The following HERC5 variants were observed in gnomAD, a reference collection of about 807,000 sequenced individuals.
The protein encoded by HERC5 is E3 ISG15--protein ligase HERC5.
In HERC5, 99 loss-of-function variants were observed where a neutral mutation model predicts 119.6. The observed-to-expected ratio is 0.83, with a 90% CI of 0.70 to 0.98. The LOEUF (loss-of-function observed/expected upper bound fraction) is 0.98, where lower values mean the gene tolerates loss of function less well. Among genes scored for constraint, HERC5 ranks in the 50% least tolerant of loss-of-function variants. The pLI, the probability that HERC5 is intolerant of heterozygous loss-of-function variation, is 0.00. For missense variants in HERC5, 1,267 were observed against 1,241.3 expected, an observed-to-expected ratio of 1.02 and a Z score of -0.31; for synonymous variants, 478 against 445.9, an observed-to-expected ratio of 1.07 and a Z score of -0.91.
chr4:88,458,396 G>T (rs184644507), intron 1 of HERC5, among the ~76,000 whole-genome samples: 4 of 151,460 alleles, frequency 2.6e-5, no homozygotes, highest in Admixed American at 1.3e-4. Flanking sequence ...GTAATTTTAA[G>T]GTTTTTTTTT....
intron 9 of HERC5, among the ~76,000 whole-genome samples, chr4:88,470,110 C>T (rs927015822): frequency 1.5e-4 from 23 of 152,184 alleles, no homozygotes; most frequent in Non-Finnish European, 5.9e-5. Flanking sequence ...GTATGGCTTT[C>T]TAATTCTGGA....
At chr4:88,503,910 C>CA (rs919071420) in intron 20 of HERC5, among the ~76,000 whole-genome samples, 29 of 151,778 alleles carry the variant, frequency 1.9e-4, no homozygotes, top group Non-Finnish European at 5.9e-5. Context: ...ACTAAAAATA[C>CA]AAAAAAATTA....
intron 4 of HERC5, 36 bp downstream of exon 4, chr4:88,462,392 G>A (rs1740475075): frequency 5.8e-6 from 9 of 1,543,214 alleles, no homozygotes; most frequent in South Asian, 1.1e-5. Flanking sequence ...ATTACCAACA[G>A]ATATACTTGT....
At position 88,495,968 on chromosome 4, in the gene HERC5, G is replaced by A. The variant is rs1019911258; in HGVS notation, c.2444+1637G>A. Among the ~76,000 whole-genome samples the A allele has an allele frequency of 2.0e-5, 3 of 152,208 alleles. No homozygotes were observed. The East Asian group carries it at 5.8e-4, about 29-fold the overall frequency. ...TTAAAAATATTGAGGACTCCAAAGC[G>A]CTTTTAGTTAGGTTGGTTACATCTG... On this transcript the variant is annotated intron_variant, in intron 18 of 22. Coordinates refer to ENST00000264350, the MANE Select transcript of HERC5 (RefSeq NM_016323.4).
rs1199282484 is a variant in HERC5, at chr4:88,492,920, T to C, written c.2134-92T>C. On this transcript the variant is annotated intron_variant, in intron 16 of 22. Coordinates refer to ENST00000264350, the MANE Select transcript of HERC5 (RefSeq NM_016323.4). Reference sequence around the variant, plus strand: ...GCCTTCCAAATACTTGGGTCCACAATTAATGTTAGCTATTTACTATTATTA... The same window carrying C: ...GCCTTCCAAATACTTGGGTCCACAACTAATGTTAGCTATTTACTATTATTA... 17 of 1,269,512 alleles carry C rather than the reference T, an allele frequency of 1.3e-5. No individual in the cohort carries two copies. In the East Asian group the frequency reaches 3.3e-4, roughly 25 times the overall value. 78.6% of individuals were successfully genotyped at this position (1,269,512 alleles called of 1,614,324 possible).
chr4:88,485,966 G>A lies in HERC5; in HGVS notation c.1738-149G>A, dbSNP rs1284921996. Reference sequence around the variant, plus strand: ...TTCTTTATGTTCATGAAAATTTGGGGCTCTGGCAGTGGAGGAATTGGATAG... The same window carrying A: ...TTCTTTATGTTCATGAAAATTTGGGACTCTGGCAGTGGAGGAATTGGATAG... On this transcript the variant is annotated intron_variant, in intron 13 of 22. Transcript: ENST00000264350. 1.4e-5 allele frequency: 6 copies of A among 439,820 alleles called. No individual in the cohort carries two copies. The East Asian group carries it at 1.7e-4, about 12-fold the overall frequency. The allele number at this position is 439,820 out of a possible 1,614,324, so 27.2% of individuals were successfully genotyped here. A position where few individuals can be genotyped will look rare whatever the true frequency, so the allele number is the denominator to read the frequency against.
chr4:88,496,069 A>C (rs1371017870), intron 18 of HERC5, among the ~76,000 whole-genome samples: 1 of 152,232 alleles, frequency 6.6e-6, no homozygotes, highest in Non-Finnish European at 1.5e-5. Context: ...AGCATTCCAC[A>C]ATATCATATA....
chr4:88,487,122 C>G lies in HERC5; in HGVS notation c.1905C>G (p.Ile635Met). Residue 635 changes from isoleucine (I) to methionine (M), a missense_variant, in exon 15 of 23, where the codon ATC becomes ATG. Physicochemically the swap from Ile to Met is conservative, Grantham distance 10. Coordinates refer to ENST00000264350, the MANE Select transcript of HERC5 (RefSeq NM_016323.4). ...TCATATTCAGTCACTTTCCATTTAT[C>G]TTTAATAATCTGTCGAAAATTAAAC... ...CCVIFSHFPF[I>M]FNNLSKIKLL... 6.2e-7 allele frequency: 1 copy of G among 1,611,616 alleles called. No individual in the cohort carries two copies. The highest frequency in any genetic ancestry group is 2.2e-5 in the East Asian group (1 of 44,834).
chr4:88,486,562 G>A (rs997499543), intron 14 of HERC5, among the ~76,000 whole-genome samples: 2 of 152,200 alleles, frequency 1.3e-5, no homozygotes, highest in African/African-American at 4.8e-5. Flanking sequence ...GACCCTGTGG[G>A]TAGAGTGTCT....
intron 11 of HERC5, 22 bp downstream of exon 11, chr4:88,472,524 G>A: frequency 1.5e-6 from 2 of 1,324,274 alleles, no homozygotes; most frequent in Non-Finnish European, 2.1e-6. Flanking sequence ...TTGTTATGTG[G>A]AGAAAGAAAA....
rs746915886 is a variant in HERC5 at position 88,459,384 on chromosome 4, C to T, written c.303C>T (p.Ser101=). The change falls in exon 2 of 23, where the codon TCC becomes TCT. Residue 101 remains serine, a synonymous_variant. Coordinates refer to ENST00000264350, the MANE Select transcript of HERC5 (RefSeq NM_016323.4). The part of the protein sequence containing the change: ...IKLGKNMKIH[S]VDQGAEHMLI... The stretch of plus-strand genomic sequence containing the variant: ...TAGGAAAAAACATGAAGATACATTC[C>T]GTGGACCAAGGAGCAGAGCACATGC... The T allele has an allele frequency of 3.8e-6, 6 of 1,595,214 alleles. No individual in the cohort carries two copies. In the East Asian group the frequency reaches 6.8e-5, roughly 18 times the overall value.
At chr4:88,480,063 T>A (rs1391699226) in intron 13 of HERC5, among the ~76,000 whole-genome samples, 1 of 111,886 alleles carries the variant, frequency 8.9e-6, no homozygotes, top group Non-Finnish European at 1.7e-5. Context: ...CGAGACTCCG[T>A]CTCAAAAAAA....
chr4:88,503,763 G>T (rs1440671255), intron 20 of HERC5, among the ~76,000 whole-genome samples: 1 of 152,030 alleles, frequency 6.6e-6, no homozygotes, highest in Non-Finnish European at 1.5e-5. Flanking sequence ...ATATGATGGA[G>T]TTGTTATAAA....
At chr4:88,495,079 A>T (rs533939662) in intron 18 of HERC5, among the ~76,000 whole-genome samples, 27 of 152,208 alleles carry the variant, frequency 1.8e-4, no homozygotes, top group Non-Finnish European at 3.2e-4. Context: ...CAACAATTCT[A>T]CTTCTAGACA....
rs12505811 is a variant in HERC5, at chr4:88,468,006, A to G, written c.1058-340A>G. On this transcript the variant is annotated intron_variant, in intron 7 of 22. Transcript: ENST00000264350. Reference sequence around the variant, plus strand: ...CTTATATTCTTTATAGCCAGCAGTCATTGCTTAAATCTTGAAAACATGGTT... The same window carrying G: ...CTTATATTCTTTATAGCCAGCAGTCGTTGCTTAAATCTTGAAAACATGGTT... 4.9e-3 allele frequency: 1,994 copies of G among 406,042 alleles called. 10 individuals are homozygous for G. The highest frequency in any genetic ancestry group is 0.014 in the Admixed American group (220 of 15,892). The allele number at this position is 406,042 out of a possible 1,614,324, so 25.2% of individuals were successfully genotyped here. A position where few individuals can be genotyped will look rare whatever the true frequency, so the allele number is the denominator to read the frequency against.
rs1229022374 is a variant in HERC5 at position 88,499,934 on chromosome 4, A to G, written c.2453A>G (p.Gln818Arg). Residue 818 changes from glutamine to arginine, a missense_variant, in exon 19 of 23, where the codon CAA becomes CGA. Physicochemically the swap from Gln to Arg is conservative, Grantham distance 43. Coordinates refer to ENST00000264350, the MANE Select transcript of HERC5 (RefSeq NM_016323.4). ...ELSPDLGKNL[Q>R]TLLDDEGDNF... is the part of the protein sequence containing the mutation. ...GATTATTTTTTCCTTAGGAATTTGC[A>G]AACACTTCTGGATGATGAAGGTGAT... The G allele has an allele frequency of 1.2e-6, 2 of 1,606,032 alleles. No individual in the cohort carries two copies. Among genetic ancestry groups the G allele is most frequent in the Non-Finnish European group, 1.7e-6 (2 of 1,173,426 alleles).
At chr4:88,471,998 C>G (rs1458579768) in intron 10 of HERC5, among the ~76,000 whole-genome samples, 1 of 79,738 alleles carries the variant, frequency 1.3e-5, no homozygotes, top group Non-Finnish European at 2.4e-5. Flanking sequence ...TTCTTTTTTT[C>G]TTTCTTTCTT....
intron 16 of HERC5, among the ~76,000 whole-genome samples, chr4:88,491,685 G>A (rs900958864): frequency 9.9e-5 from 15 of 152,134 alleles, no homozygotes; most frequent in African/African-American, 3.4e-4. Context: ...GTGGAGAAGT[G>A]GGTTTGGAAG....
intron 14 of HERC5, among the ~76,000 whole-genome samples, 196 bp downstream of exon 14, chr4:88,486,424 T>A (rs1029299053): frequency 6.6e-6 from 1 of 152,038 alleles, no homozygotes. Context: ...TATGGGAGTA[T>A]GAAAAATGCA....
Sources: allele counts gnomAD v4.1 joint callset (sites outside exome capture counted in the v4.1 genomes callset), GRCh38; gene constraint gnomAD v4.1.1; transcripts MANE v1.5; gene names NCBI Gene and HGNC (gene_info 2026-07-23, HGNC 2026-07-21).